GPR161: variants seen among roughly 807,000 people sequenced by gnomAD.
GPR161 encodes G protein-coupled receptor 161.
In GPR161, 25 loss-of-function variants were observed where a neutral mutation model predicts 39.2. The observed-to-expected ratio is 0.64, with a 90% CI of 0.47 to 0.89. GPR161 has a LOEUF of 0.89. Ranked by LOEUF, GPR161 falls within the 40% of genes least tolerant of loss-of-function variation. The pLI is 0.00. For missense variants in GPR161, 547 were observed against 677.8 expected (o/e 0.81, Z 2.14); for synonymous variants, 286 against 276.6 (o/e 1.03, Z -0.34).
At chr1:168,095,633 G>A (rs1695447146) in intron 3 of GPR161, among the ~76,000 whole-genome samples, 2 of 152,154 alleles carry the variant, frequency 1.3e-5, no homozygotes, top group Admixed American at 1.3e-4. Flanking sequence ...GAAGGCTGAG[G>A]TTTGGCATGG....
chr1:168,085,746 A>G lies in GPR161; in HGVS notation c.1375T>C (p.Leu459=). ...GCCAAGCTTGCTGCGTAACTGTCCAAGGACTTGTGTACTTCAGCTTTCACA... is the reference window on the plus strand; with the variant it reads ...GCCAAGCTTGCTGCGTAACTGTCCAGGGACTTGTGTACTTCAGCTTTCACA... ...LHVKAEVHKS[L]DSYAASLAKA... is the part of the protein sequence containing the mutation. The change falls in exon 6 of 6, where the codon TTG becomes CTG. Residue 459 remains leucine (L), a synonymous_variant. Transcript: ENST00000682931. The G allele has an allele frequency of 1.2e-6, 2 of 1,614,206 alleles. No individual in the cohort carries two copies. The highest frequency in any genetic ancestry group is 1.7e-6 in the Non-Finnish European group (2 of 1,180,004).
rs111798683 is a variant in GPR161, at chr1:168,123,090, A to G, written c.-45+13649T>C. Among the ~76,000 whole-genome samples the G allele has an allele frequency of 8.2e-3, 1,245 of 152,294 alleles. 9 individuals carry two copies. Among genetic ancestry groups the G allele is most frequent in the Non-Finnish European group, 0.013 (857 of 68,020 alleles). On this transcript the variant is annotated intron_variant, in intron 1 of 5. Coordinates refer to ENST00000682931, the MANE Select transcript of GPR161 (RefSeq NM_001375883.1). ...ACTATTCATTATCCAGCCAACATCCATTCTCCTCTTCTATCAAAAGAACCC... is the reference window on the plus strand; with the variant it reads ...ACTATTCATTATCCAGCCAACATCCGTTCTCCTCTTCTATCAAAAGAACCC...
chr1:168,102,477 T>G (rs1191673864), intron 2 of GPR161, among the ~76,000 whole-genome samples: 1 of 152,200 alleles, frequency 6.6e-6, no homozygotes, highest in Non-Finnish European at 1.5e-5. Flanking sequence ...CTCCAAGGAT[T>G]GGGCACAGGC....
chr1:168,136,833 C>CG lies in GPR161; in HGVS notation c.-140dup. The CG allele has an allele frequency of 2.0e-6, 2 of 984,780 alleles. No homozygotes were observed. Among genetic ancestry groups the CG allele is most frequent in the South Asian group, 4.5e-5 (1 of 22,138 alleles). 61.0% of individuals were successfully genotyped at this position (984,780 alleles called of 1,614,324 possible). A position where few individuals can be genotyped will look rare whatever the true frequency, so the allele number is the denominator to read the frequency against. The stretch of plus-strand genomic sequence containing the variant: ...CGCTTCCTTCCTCCCCGCCGCGCTC[C>CG]GGGACTGGAGGTTTCGGGTTTCAGC... On this transcript the variant is annotated 5_prime_UTR_variant, in exon 1 of 6. Transcript: ENST00000682931.
At chr1:168,131,901 G>A (rs1699017177) in intron 1 of GPR161, among the ~76,000 whole-genome samples, 1 of 152,188 alleles carries the variant, frequency 6.6e-6, no homozygotes, top group African/African-American at 2.4e-5. Flanking sequence ...CAAAGAATTT[G>A]ATGGAGGAAT....
chr1:168,129,058 A>AT (rs1698797889), intron 1 of GPR161, among the ~76,000 whole-genome samples: 1 of 152,260 alleles, frequency 6.6e-6, no homozygotes, highest in Non-Finnish European at 1.5e-5. Context: ...AGGTGGGGAT[A>AT]CAGACAGTAA....
chr1:168,101,641 C>T (rs1292947846), intron 2 of GPR161, among the ~76,000 whole-genome samples: 1 of 152,190 alleles, frequency 6.6e-6, no homozygotes, highest in Non-Finnish European at 1.5e-5. Context: ...TCACTTTGCT[C>T]ATCTGCAAAA....
intron 1 of GPR161, among the ~76,000 whole-genome samples, chr1:168,116,735 C>T (rs989555446): frequency 3.9e-5 from 6 of 152,236 alleles, no homozygotes; most frequent in African/African-American, 1.2e-4. Flanking sequence ...GTGGCCTCTG[C>T]AACCCCAGGG....
At chr1:168,097,361 C>A (rs149144406) in intron 2 of GPR161, 129 bp from the exon 3 acceptor site, 2 of 902,716 alleles carry the variant, frequency 2.2e-6, no homozygotes, top group Non-Finnish European at 1.7e-6. Context: ...CCAAGTCTCC[C>A]CAGACAAGTT....
At chr1:168,136,453 C>T (rs868740834) in intron 1 of GPR161, 2 of 1,300,470 alleles carry the variant, frequency 1.5e-6, no homozygotes, top group African/African-American at 1.5e-5. Context: ...GGGCTGCACC[C>T]AGCAGAATGG....
chr1:168,101,065 G>A (rs1172095693), intron 2 of GPR161, among the ~76,000 whole-genome samples: 1 of 150,796 alleles, frequency 6.6e-6, no homozygotes, highest in Non-Finnish European at 1.5e-5. Flanking sequence ...CTTTTCATGG[G>A]GCTACAAGAT....
chr1:168,133,321 A>G (rs893793514), intron 1 of GPR161, among the ~76,000 whole-genome samples: 6 of 152,216 alleles, frequency 3.9e-5, no homozygotes, highest in Admixed American at 1.3e-4. Flanking sequence ...TGCTTAAATA[A>G]CCACTTAAAA....
Position 168,085,452 on chromosome 1 carries a change from AG to A in GPR161, c.*78del. On this transcript the variant is annotated 3_prime_UTR_variant, in exon 6 of 6. Coordinates refer to ENST00000682931, the MANE Select transcript of GPR161 (RefSeq NM_001375883.1). ...AGCTGTACACAGTGACATGCTCCCA[AG>A]GCCGCGGCACAGGCGGTGATGGGAA... 1 of 1,390,994 alleles carries A rather than the reference AG, an allele frequency of 7.2e-7. No individual in the cohort carries two copies. Among genetic ancestry groups the A allele is most frequent in the South Asian group, 1.3e-5 (1 of 76,504 alleles). 86.2% of individuals were successfully genotyped at this position (1,390,994 alleles called of 1,614,324 possible).
chr1:168,137,432 T>G (rs1004104154), upstream of GPR161: 34 of 1,513,800 alleles, frequency 2.2e-5, no homozygotes, highest in African/African-American at 4.5e-4. Context: ...CCATCTGCCT[T>G]CTGCCAGGCT....
At chr1:168,129,909 C>T (rs547316373) in intron 1 of GPR161, among the ~76,000 whole-genome samples, 1 of 152,318 alleles carries the variant, frequency 6.6e-6, no homozygotes, top group South Asian at 2.1e-4. Context: ...AAATGACTCT[C>T]TTTGCTTTGG....
chr1:168,101,794 ACTTT>A (rs139768980), intron 2 of GPR161, among the ~76,000 whole-genome samples: 9 of 151,964 alleles, frequency 5.9e-5, no homozygotes, highest in Non-Finnish European at 1.2e-4. Flanking sequence ...CTCCACTTCT[ACTTT>A]CTTTTTCTTT....
At chr1:168,112,458 C>A (rs1191879923) in intron 1 of GPR161, among the ~76,000 whole-genome samples, 1 of 108,776 alleles carries the variant, frequency 9.2e-6, no homozygotes, top group Non-Finnish European at 1.7e-5. Flanking sequence ...CCAGCCTGGG[C>A]GACGAAGTGA....
chr1:168,106,279 C>A (rs1696615945), intron 1 of GPR161, among the ~76,000 whole-genome samples: 1 of 152,194 alleles, frequency 6.6e-6, no homozygotes, highest in Non-Finnish European at 1.5e-5. Flanking sequence ...TTCTACTATT[C>A]ACTCTAAGAA....
At chr1:168,092,260 A>G (rs1483285986) in intron 3 of GPR161, among the ~76,000 whole-genome samples, 1 of 152,166 alleles carries the variant, frequency 6.6e-6, no homozygotes, top group African/African-American at 2.4e-5. Flanking sequence ...TAGGGAGCAG[A>G]GCCTGTGGGG....
Sources: gnomAD v4.1 joint callset for allele counts (sites outside exome capture counted in the v4.1 genomes callset) on GRCh38, gnomAD v4.1.1 for gene constraint, MANE v1.5 for transcripts, NCBI Gene and HGNC (gene_info 2026-07-23, HGNC 2026-07-21) for gene names.